The following ACACA variants were observed in gnomAD, a reference collection of about 807,000 sequenced individuals.
ACACA encodes the protein acetyl-CoA carboxylase 1.
In ACACA, 103 loss-of-function variants were observed where a neutral mutation model predicts 296.1. That is an observed-to-expected ratio of 0.35 (90% confidence interval 0.30 to 0.41). The LOEUF is 0.41. Ranked by LOEUF, ACACA falls within the 10% of genes least tolerant of loss-of-function variation. ACACA has a pLI of 1.00. For missense variants in ACACA, 1,554 were observed against 2,989.7 expected (o/e 0.52, Z 11.20); for synonymous variants, 953 against 1,038.6 (o/e 0.92, Z 1.58).
chr17:37,160,893 C>G (rs540825474), intron 42 of ACACA, among the ~76,000 whole-genome samples: 42 of 151,978 alleles, frequency 2.8e-4, no homozygotes, highest in South Asian at 1.5e-3. Context: ...GATTGTTGGA[C>G]TAGAGAGAGG....
chr17:37,280,730 AACACACACAC>A (rs71979048), intron 5 of ACACA, among the ~76,000 whole-genome samples: 13 of 146,374 alleles, frequency 8.9e-5, no homozygotes, highest in East Asian at 2.0e-4. Flanking sequence ...TTACATAGTT[AACACACACAC>A]ACACACACAC....
At chr17:37,341,028 G>A (rs2048354089) in intron 1 of ACACA, among the ~76,000 whole-genome samples, 1 of 152,138 alleles carries the variant, frequency 6.6e-6, no homozygotes, top group Admixed American at 6.6e-5. Context: ...CCTGTGAAAA[G>A]CCAATGCACT....
At chr17:37,263,577 T>C in intron 11 of ACACA, 108 bp downstream of exon 11, 1 of 948,110 alleles carries the variant, frequency 1.1e-6, no homozygotes, top group Non-Finnish European at 1.7e-6. Flanking sequence ...ATTTTATTAA[T>C]TATTCAGAAT....
rs568954198 is a variant in ACACA at position 37,385,238 on chromosome 17, G to A, written c.38+21024C>T. Reference sequence around the variant, plus strand: ...TGTAACCCCAGCACTTTGGGAGGCCGAGGTGGGCAGATCACTTGAGGTCAG... The same window carrying A: ...TGTAACCCCAGCACTTTGGGAGGCCAAGGTGGGCAGATCACTTGAGGTCAG... On this transcript the variant is annotated intron_variant, in intron 1 of 55. Coordinates refer to ENST00000616317, the MANE Select transcript of ACACA (RefSeq NM_198834.3). Among the ~76,000 whole-genome samples the A allele has an allele frequency of 7.2e-5, 11 of 152,238 alleles. No homozygotes were observed. In the East Asian group the frequency reaches 7.7e-4, roughly 11 times the overall value.
chr17:37,284,208 A>C (rs1037209077), intron 4 of ACACA, among the ~76,000 whole-genome samples: 1 of 152,192 alleles, frequency 6.6e-6, no homozygotes, highest in Non-Finnish European at 1.5e-5. Context: ...AATACCTGGA[A>C]TCTCTAAGTA....
intron 1 of ACACA, among the ~76,000 whole-genome samples, chr17:37,372,942 G>A (rs1188189564): frequency 6.6e-6 from 1 of 151,808 alleles, no homozygotes; most frequent in African/African-American, 2.4e-5. Flanking sequence ...GTGCAGTGGT[G>A]CAATCTCGGC....
chr17:37,189,538 T>C (rs2077665668), intron 38 of ACACA, among the ~76,000 whole-genome samples: 1 of 152,156 alleles, frequency 6.6e-6, no homozygotes, highest in Non-Finnish European at 1.5e-5. Flanking sequence ...ACAATCTTTA[T>C]GTACAGAAAA....
chr17:37,376,279 T>C (rs2049999050), intron 1 of ACACA: 2 of 726,250 alleles, frequency 2.8e-6, no homozygotes, highest in Admixed American at 4.6e-5. Context: ...GTTAATCCCA[T>C]GTATCCACTC....
chr17:37,184,964 C>CATAA (rs1567780432), intron 39 of ACACA, among the ~76,000 whole-genome samples: 1 of 151,986 alleles, frequency 6.6e-6, no homozygotes, highest in Non-Finnish European at 1.5e-5. Context: ...GTAAAATAAG[C>CATAA]TAGACACAAA....
chr17:37,155,631 T>C (rs2076210883), intron 43 of ACACA, 52 bp downstream of exon 43: 1 of 1,212,352 alleles, frequency 8.2e-7, no homozygotes, highest in Non-Finnish European at 1.2e-6. Flanking sequence ...AAAAATACCA[T>C]ATTCTCCTTT....
intron 50 of ACACA, among the ~76,000 whole-genome samples, chr17:37,119,191 C>A (rs144348867): frequency 5.9e-5 from 9 of 152,160 alleles, no homozygotes; most frequent in African/African-American, 2.2e-4. Flanking sequence ...TCAGGCCCCC[C>A]TTCCCTTTGA....
rs144357256 is a variant in ACACA, at chr17:37,241,065, T to A, written c.3033-501A>T. On this transcript the variant is annotated intron_variant, in intron 23 of 55. Coordinates refer to ENST00000616317, the MANE Select transcript of ACACA (RefSeq NM_198834.3). ...AAAAAATTAGCCAAGCATGGTAGCATGTGACTGTAGTCCCAGCTACTCAAG... is the reference window on the plus strand; with the variant it reads ...AAAAAATTAGCCAAGCATGGTAGCAAGTGACTGTAGTCCCAGCTACTCAAG... Among the ~76,000 whole-genome samples the A allele has an allele frequency of 5.4e-3, 824 of 152,152 alleles. 9 individuals carry two copies. The highest frequency in any genetic ancestry group is 0.019 in the African/African-American group (774 of 41,496).
intron 45 of ACACA, among the ~76,000 whole-genome samples, chr17:37,132,482 G>A (rs2075145936): frequency 6.6e-6 from 1 of 152,154 alleles, no homozygotes; most frequent in Non-Finnish European, 1.5e-5. Context: ...GGGACAGACT[G>A]CCTCTCTGTT....
intron 41 of ACACA, among the ~76,000 whole-genome samples, chr17:37,172,479 T>C (rs1044084845): frequency 3.7e-4 from 56 of 152,172 alleles, no homozygotes; most frequent in African/African-American, 1.3e-3. Flanking sequence ...AGCCTCCATA[T>C]TTTTCTAATG....
intron 51 of ACACA, 138 bp downstream of exon 51, chr17:37,112,948 CTG>C: frequency 2.0e-6 from 2 of 1,020,956 alleles, no homozygotes; most frequent in Non-Finnish European, 2.9e-6. Flanking sequence ...AGGACCTGGA[CTG>C]TAATGGAAGG....
chr17:37,237,505 T>C (rs1435423822), intron 24 of ACACA, among the ~76,000 whole-genome samples: 4 of 152,230 alleles, frequency 2.6e-5, no homozygotes, highest in African/African-American at 9.6e-5. Flanking sequence ...AAGATGATGA[T>C]GTGACTTTTA....
chr17:37,295,906 A>C (rs1434879768), intron 3 of ACACA, among the ~76,000 whole-genome samples: 1 of 152,010 alleles, frequency 6.6e-6, no homozygotes, highest in Non-Finnish European at 1.5e-5. Context: ...GCCTGGGCTA[A>C]AGGGCGAGAC....
At chr17:37,230,595 C>T (rs911629768) in intron 25 of ACACA, among the ~76,000 whole-genome samples, 3 of 152,160 alleles carry the variant, frequency 2.0e-5, no homozygotes, top group African/African-American at 7.2e-5. Flanking sequence ...TCAACCCTGT[C>T]TTGTCCCTGA....
In ACACA at chr17:37,219,167, A is replaced by G. The variant is rs1325788532; in HGVS notation, c.3683+2557T>C. Among the ~76,000 whole-genome samples, 3 of 152,190 alleles carry G rather than the reference A, an allele frequency of 2.0e-5. No individual in the cohort carries two copies. In the East Asian group the frequency reaches 5.8e-4, roughly 29 times the overall value. On this transcript the variant is annotated intron_variant, in intron 29 of 55. Transcript: ENST00000616317. ...CACGTAGGCTATGATTTAATCAAGCATGCCTACGTAATGAAGCCCTGATTT... is the reference window on the plus strand; with the variant it reads ...CACGTAGGCTATGATTTAATCAAGCGTGCCTACGTAATGAAGCCCTGATTT...
Sources: gnomAD v4.1 joint callset for allele counts (sites outside exome capture counted in the v4.1 genomes callset) on GRCh38, gnomAD v4.1.1 for gene constraint, MANE v1.5 for transcripts, NCBI Gene and HGNC (gene_info 2026-07-23, HGNC 2026-07-21) for gene names.